SCARB1: variants seen among roughly 807,000 people sequenced by gnomAD.
The protein encoded by SCARB1 is scavenger receptor class B member 1.
SCARB1 carries 30 observed loss-of-function variants against 57.2 expected under a neutral mutation model. The ratio of observed to expected loss-of-function variants is 0.52; its 90% CI spans 0.39 to 0.71. SCARB1 has a LOEUF of 0.71. Ranked by LOEUF, SCARB1 falls within the 30% of genes least tolerant of loss-of-function variation. SCARB1 has a pLI of 0.00. For synonymous variants in SCARB1, 249 were observed against 268.3 expected (o/e 0.93, Z 0.70); for missense variants, 543 against 671.2 (o/e 0.81, Z 2.11).
chr12:124,840,129 C>A, intron 1 of SCARB1: 1 of 1,203,460 alleles, frequency 8.3e-7, no homozygotes, highest in Non-Finnish European at 1.1e-6. Flanking sequence ...TTCTCATTTC[C>A]CTAACGATGA....
rs12231837 is a variant in SCARB1 at position 124,823,143 on chromosome 12, C to G, written c.127-5436G>C. ...GTCACCTGGGAGGTTGGGGGATAAG[C>G]GGGTGAAAATTCTGTTTCCTGATCT... On this transcript the variant is annotated intron_variant, in intron 1 of 12. Coordinates refer to ENST00000261693, the MANE Select transcript of SCARB1 (RefSeq NM_005505.5). 0.018 allele frequency among the ~76,000 whole-genome samples: 2,776 copies of G among 152,144 alleles called. 168 individuals are homozygous for G. In the East Asian group the frequency reaches 0.2, roughly 11 times the overall value.
intron 1 of SCARB1, among the ~76,000 whole-genome samples, chr12:124,849,297 A>C (rs918986267): frequency 1.3e-5 from 2 of 152,150 alleles, no homozygotes; most frequent in African/African-American, 4.8e-5. Context: ...CCACGGGTGC[A>C]TCTGGGCAGC....
At chr12:124,853,398 T>G (rs1424032121) in intron 1 of SCARB1, among the ~76,000 whole-genome samples, 9 of 149,884 alleles carry the variant, frequency 6.0e-5, no homozygotes, top group South Asian at 4.2e-4. Context: ...TTGTTTTTTT[T>G]TTTTTTTTTT....
intron 1 of SCARB1, among the ~76,000 whole-genome samples, chr12:124,836,170 G>A (rs576512187): frequency 7.2e-5 from 11 of 152,284 alleles, no homozygotes; most frequent in African/African-American, 2.4e-4. Context: ...AAGAGGACAC[G>A]CAATTCACAA....
chr12:124,798,176 C>T (rs1188656866), intron 8 of SCARB1, among the ~76,000 whole-genome samples: 3 of 152,176 alleles, frequency 2.0e-5, no homozygotes, highest in African/African-American at 4.8e-5. Flanking sequence ...TTTGGGAGGC[C>T]GAGGTGGACG....
chr12:124,786,396 G>A lies in SCARB1; in HGVS notation c.1362C>T (p.Val454=). 1.7e-5 allele frequency: 28 copies of A among 1,614,144 alleles called. No individual in the cohort carries two copies. Among genetic ancestry groups the A allele is most frequent in the Non-Finnish European group, 2.4e-5 (28 of 1,180,036 alleles). Residue 454 remains valine, a synonymous_variant, in exon 11 of 13, where the codon GTC becomes GTT. Transcript: ENST00000261693. ...AQYVLLALGC[V]LLLVPVICQI... is the part of the protein sequence containing the mutation. ...GGCAGATGACAGGGACCAGCAGCAG[G>A]ACGCAGCCCAGCGCCAGGAGGACGT...
chr12:124,860,415 G>C (rs1312791717), intron 1 of SCARB1, among the ~76,000 whole-genome samples: 1 of 152,090 alleles, frequency 6.6e-6, no homozygotes, highest in Non-Finnish European at 1.5e-5. Context: ...TCCCTTTTTT[G>C]CAGCCCAGCT....
chr12:124,808,323 T>TA (rs1566174925), intron 6 of SCARB1, among the ~76,000 whole-genome samples: 1 of 152,086 alleles, frequency 6.6e-6, no homozygotes, highest in African/African-American at 2.4e-5. Context: ...GTTATGAAAT[T>TA]AAAAAAAGAA....
At chr12:124,848,186 C>T (rs534164716) in intron 1 of SCARB1, among the ~76,000 whole-genome samples, 6 of 152,180 alleles carry the variant, frequency 3.9e-5, no homozygotes, top group Non-Finnish European at 5.9e-5. Context: ...TGGGTTCAAG[C>T]GATTCTCCTG....
intron 8 of SCARB1, among the ~76,000 whole-genome samples, chr12:124,797,467 A>G (rs909199077): frequency 1.3e-5 from 2 of 152,158 alleles, no homozygotes; most frequent in South Asian, 2.1e-4. Context: ...GCCCAGCTCA[A>G]AAAACAAAGA....
Position 124,823,716 on chromosome 12 carries a change from G to A in SCARB1, c.127-6009C>T, listed in dbSNP as rs113821237. On this transcript the variant is annotated intron_variant, in intron 1 of 12. Coordinates refer to ENST00000261693, the MANE Select transcript of SCARB1 (RefSeq NM_005505.5). ...AGCACTGTTCGCAATGGGCGAAAACGACCCAAGAGTCCGTCAACAGATGAA... is the reference window on the plus strand; with the variant it reads ...AGCACTGTTCGCAATGGGCGAAAACAACCCAAGAGTCCGTCAACAGATGAA... 3.2e-3 allele frequency among the ~76,000 whole-genome samples: 487 copies of A among 152,268 alleles called. 2 individuals are homozygous for A. Among genetic ancestry groups the A allele is most frequent in the African/African-American group, 0.011 (457 of 41,550 alleles).
intron 1 of SCARB1, among the ~76,000 whole-genome samples, chr12:124,828,171 G>C (rs1951239916): frequency 6.6e-6 from 1 of 151,810 alleles, no homozygotes; most frequent in Non-Finnish European, 1.5e-5. Flanking sequence ...TTTAGGCCGG[G>C]GCAACAACTC....
At chr12:124,825,735 G>A (rs1386153976) in intron 1 of SCARB1, among the ~76,000 whole-genome samples, 2 of 152,222 alleles carry the variant, frequency 1.3e-5, no homozygotes, top group Non-Finnish European at 2.9e-5. Flanking sequence ...GCACACGGTG[G>A]CTGCACAGTG....
chr12:124,807,907 T>G lies in SCARB1; in HGVS notation c.863A>C (p.Lys288Thr), dbSNP rs1365748498. The stretch of plus-strand genomic sequence containing the variant: ...GATGCCTTCAAACACCCCTGACTCC[T>G]TGTACATTAGCTTCATGGATCTGCA... Reference protein sequence around the residue: ...EACRSMKLMYKESGVFEGIPT... With the variant: ...EACRSMKLMYTESGVFEGIPT... Residue 288 changes from lysine to threonine, a missense_variant, in exon 7 of 13, where the codon AAG becomes ACG. Coordinates refer to ENST00000261693, the MANE Select transcript of SCARB1 (RefSeq NM_005505.5). The surrounding 1 kb of genome is among the most constrained non-coding windows in gnomAD (Gnocchi z 5.3). The G allele has an allele frequency of 1.9e-6, 3 of 1,614,112 alleles. No homozygotes were observed. Among genetic ancestry groups the G allele is most frequent in the Non-Finnish European group, 2.5e-6 (3 of 1,180,010 alleles).
Position 124,809,873 on chromosome 12 carries a change from G to T in SCARB1, c.842+301C>A, listed in dbSNP as rs61762482. 3.5e-3 allele frequency among the ~76,000 whole-genome samples: 538 copies of T among 152,296 alleles called. 10 individuals carry two copies. The South Asian group carries it at 0.044, about 12-fold the overall frequency. ...GGCCACCAGCCAGACGCCAGAGGGA[G>T]CCCACCTCTCGCCTCCATTTTATGG... is the stretch of plus-strand genomic sequence containing the variant. On this transcript the variant is annotated intron_variant, in intron 6 of 12. Coordinates refer to ENST00000261693, the MANE Select transcript of SCARB1 (RefSeq NM_005505.5).
At chr12:124,802,797 G>A (rs1024972962) in intron 7 of SCARB1, among the ~76,000 whole-genome samples, 4 of 152,192 alleles carry the variant, frequency 2.6e-5, no homozygotes, top group African/African-American at 4.8e-5. Flanking sequence ...ATGCCCTCAC[G>A]CAACAGGGAG....
At chr12:124,806,228 G>A (rs35902723) in intron 7 of SCARB1, among the ~76,000 whole-genome samples, 3,305 of 152,178 alleles carry the variant, frequency 0.022, 113 homozygotes, top group African/African-American at 0.075. Context: ...GAGCAAGAGA[G>A]AGGAAGGAGT....
chr12:124,787,712 G>GTT (rs374041503), intron 9 of SCARB1, among the ~76,000 whole-genome samples: 1 of 130,030 alleles, frequency 7.7e-6, no homozygotes. Context: ...AAGGCGTTTT[G>GTT]TTTTTTTTTT....
chr12:124,814,979 CAGG>C lies in SCARB1; in HGVS notation c.417_419del (p.Ile139_Leu140delinsMet), dbSNP rs1950648887. On this transcript the variant is annotated inframe_deletion, in exon 3 of 13. Coordinates refer to ENST00000261693, the MANE Select transcript of SCARB1 (RefSeq NM_005505.5). This position sits in a 1 kb window ranked among gnomAD's most constrained non-coding sequence, Gnocchi z 4.7. ...GGCCACAGGGCAGCCTCACCAAGAC[CAGG>C]ATGTTGGGCATGACGATGTAGTCGC... The C allele has an allele frequency of 1.9e-6, 3 of 1,614,132 alleles. No individual in the cohort carries two copies. The highest frequency in any genetic ancestry group is 2.5e-6 in the Non-Finnish European group (3 of 1,180,028).
Sources: gnomAD v4.1 joint callset for allele counts (sites outside exome capture counted in the v4.1 genomes callset) on GRCh38, gnomAD v4.1.1 for gene constraint, Gnocchi (gnomAD v3.1) non-coding constraint, MANE v1.5 for transcripts, NCBI Gene and HGNC (gene_info 2026-07-23, HGNC 2026-07-21) for gene names.